TBC1D15: variants seen among roughly 807,000 people sequenced by gnomAD.
TBC1D15 encodes the protein TBC1 domain family member 15, also known as GAP for RAB7.
In TBC1D15, 39 loss-of-function variants were observed where a neutral mutation model predicts 95.4. The observed-to-expected ratio is 0.41, with a 90% CI of 0.32 to 0.53. TBC1D15 has a LOEUF of 0.53. Among genes scored for constraint, TBC1D15 ranks in the 20% least tolerant of loss-of-function variants. The probability of loss-of-function intolerance (pLI) is 0.29; values close to 1 mark genes in which losing one functional copy is unlikely to be tolerated. For synonymous variants in TBC1D15, 258 were observed against 261.3 expected (o/e 0.99, Z 0.12); for missense variants, 733 against 794.3 (o/e 0.92, Z 0.93).
At chr12:71,893,440 A>ATG (rs76543669) in intron 6 of TBC1D15, 116 bp downstream of exon 6, 62,577 of 469,418 alleles carry the variant, frequency 0.13, 3,734 homozygotes, top group African/African-American at 0.18. Context: ...ATACATAGAT[A>ATG]TGTGTGTGTG....
intron 6 of TBC1D15, chr12:71,894,479 G>T: frequency 7.5e-7 from 1 of 1,333,976 alleles, no homozygotes; most frequent in Non-Finnish European, 1.1e-6. Flanking sequence ...CATTTATTAT[G>T]CTATTTTAAC....
chr12:71,879,902 A>C (rs984488738), intron 3 of TBC1D15, among the ~76,000 whole-genome samples: 5 of 152,162 alleles, frequency 3.3e-5, no homozygotes. Context: ...ATAGAAATTA[A>C]ATTTTTGATT....
chr12:71,916,273 GGT>G (rs1176831402), intron 12 of TBC1D15, among the ~76,000 whole-genome samples: 3 of 152,060 alleles, frequency 2.0e-5, no homozygotes, highest in Non-Finnish European at 4.4e-5. Context: ...TTTCGAATAT[GGT>G]GTCTGTCATT....
intron 1 of TBC1D15, among the ~76,000 whole-genome samples, chr12:71,867,809 A>G (rs1260103995): frequency 6.6e-6 from 1 of 152,100 alleles, no homozygotes; most frequent in Non-Finnish European, 1.5e-5. Context: ...TCCAAGGTCC[A>G]TTTCCTTTGA....
intron 4 of TBC1D15, among the ~76,000 whole-genome samples, chr12:71,883,916 A>T (rs1246336988): frequency 6.6e-6 from 1 of 152,088 alleles, no homozygotes; most frequent in Non-Finnish European, 1.5e-5. Context: ...TTGAGGTTTA[A>T]GTTGCTTGTT....
intron 11 of TBC1D15, among the ~76,000 whole-genome samples, chr12:71,911,952 TTAATAA>T (rs1902482674): frequency 6.6e-6 from 1 of 152,164 alleles, no homozygotes; most frequent in Non-Finnish European, 1.5e-5. Flanking sequence ...TCATTATAAC[TTAATAA>T]TAAAGCACTT....
At chr12:71,865,821 C>T (rs1891374394) in intron 1 of TBC1D15, among the ~76,000 whole-genome samples, 1 of 152,052 alleles carries the variant, frequency 6.6e-6, no homozygotes, top group Non-Finnish European at 1.5e-5. Context: ...CACCAGTTTC[C>T]CAGGGAGTGA....
intron 1 of TBC1D15, chr12:71,854,776 C>G (rs1450174863): frequency 1.8e-5 from 8 of 456,550 alleles, no homozygotes; most frequent in Non-Finnish European, 3.5e-5. Flanking sequence ...CCCCCACCTT[C>G]TTTTGCAGAT....
At chr12:71,908,519 A>T (rs7302621) in intron 11 of TBC1D15, among the ~76,000 whole-genome samples, 4,176 of 152,272 alleles carry the variant, frequency 0.027, 190 homozygotes, top group African/African-American at 0.094. Flanking sequence ...ACTGTTCATA[A>T]ATATGTAAAT....
chr12:71,901,843 A>G (rs1899464274), intron 10 of TBC1D15, among the ~76,000 whole-genome samples: 1 of 152,138 alleles, frequency 6.6e-6, no homozygotes, highest in Non-Finnish European at 1.5e-5. Context: ...AGAAAACCCC[A>G]TAGTCTCTGC....
rs761890102 is a variant in TBC1D15, at chr12:71,923,068, A to G, written c.1889A>G (p.Asn630Ser). ...GATTCAGACGTTGGTGAAGACGAAA[A>G]TGTTGTCATGACTCCTTGTCCTACA... is the stretch of plus-strand genomic sequence containing the variant. ...TPDSDVGEDENVVMTPCPTSA... is the reference protein window; with the variant it reads ...TPDSDVGEDESVVMTPCPTSA... Residue 630 changes from asparagine to serine, a missense_variant, in exon 17 of 17, where the codon AAT becomes AGT. By Grantham distance (46) the Asn-to-Ser change is conservative. Transcript: ENST00000485960. 3.1e-6 allele frequency: 5 copies of G among 1,614,068 alleles called. No individual in the cohort carries two copies. In the East Asian group the frequency reaches 1.1e-4, roughly 36 times the overall value.
At chr12:71,865,780 G>T (rs1161981673) in intron 1 of TBC1D15, among the ~76,000 whole-genome samples, 1 of 152,070 alleles carries the variant, frequency 6.6e-6, no homozygotes, top group Non-Finnish European at 1.5e-5. Context: ...AGCTCAGCCT[G>T]GGGATGTGTA....
intron 3 of TBC1D15, among the ~76,000 whole-genome samples, chr12:71,875,041 C>T (rs767808483): frequency 3.3e-5 from 5 of 152,020 alleles, no homozygotes; most frequent in African/African-American, 7.2e-5. Context: ...CTGGCCCAAG[C>T]GATCCATCCA....
chr12:71,856,586 C>T (rs1337512129), intron 1 of TBC1D15, among the ~76,000 whole-genome samples: 1 of 150,992 alleles, frequency 6.6e-6, no homozygotes, highest in Non-Finnish European at 1.5e-5. Context: ...TCTTTTTTTT[C>T]CTGACTTATT....
At chr12:71,856,680 T>C (rs1160482343) in intron 1 of TBC1D15, among the ~76,000 whole-genome samples, 2 of 152,212 alleles carry the variant, frequency 1.3e-5, no homozygotes, top group East Asian at 3.8e-4. Flanking sequence ...TGATGCTCTT[T>C]CTTTGCTTCC....
At chr12:71,907,669 A>G (rs565435274) in intron 11 of TBC1D15, 1 of 152,268 alleles carries the variant, frequency 6.6e-6, no homozygotes, top group South Asian at 2.1e-4. Flanking sequence ...TTTCTTTGAG[A>G]CTTAGGAGTG....
chr12:71,877,192 ATG>A (rs901468386), intron 3 of TBC1D15, among the ~76,000 whole-genome samples: 34 of 141,814 alleles, frequency 2.4e-4, no homozygotes, highest in African/African-American at 3.6e-4. Flanking sequence ...ATCCCATGTT[ATG>A]TGTGTGTGTG....
At chr12:71,894,353 T>C (rs1897771603) in intron 6 of TBC1D15, 2 of 1,612,886 alleles carry the variant, frequency 1.2e-6, no homozygotes, top group African/African-American at 1.3e-5. Flanking sequence ...AGAAAGCTGT[T>C]GTGGGCCATT....
intron 11 of TBC1D15, among the ~76,000 whole-genome samples, chr12:71,912,826 T>TA (rs1471701649): frequency 9.9e-5 from 15 of 152,140 alleles, no homozygotes; most frequent in Non-Finnish European, 2.1e-4. Flanking sequence ...ACACAAAAGT[T>TA]ACCGAAGTTG....
Sources: gnomAD v4.1 joint callset for allele counts (sites outside exome capture counted in the v4.1 genomes callset) on GRCh38, gnomAD v4.1.1 for gene constraint, MANE v1.5 for transcripts, NCBI Gene and HGNC (gene_info 2026-07-23, HGNC 2026-07-21) for gene names.